DLGAP1: variants seen among roughly 807,000 people sequenced by gnomAD.
The protein encoded by DLGAP1 is disks large-associated protein 1.
A neutral mutation model predicts 90.8 loss-of-function variants in DLGAP1; 11 were observed. The ratio of observed to expected loss-of-function variants is 0.12; its 90% CI spans 0.08 to 0.20. The LOEUF (loss-of-function observed/expected upper bound fraction) is 0.20. Among genes scored for constraint, DLGAP1 ranks in the 10% least tolerant of loss-of-function variants. The pLI is 1.00. For synonymous variants in DLGAP1, 558 were observed against 540.7 expected (o/e 1.03, Z -0.44); for missense variants, 1,050 against 1,333.8 (o/e 0.79, Z 3.31).
intron 3 of DLGAP1, among the ~76,000 whole-genome samples, chr18:3,954,740 G>A (rs1037653902): frequency 1.3e-5 from 2 of 152,166 alleles, no homozygotes; most frequent in Admixed American, 6.5e-5. Flanking sequence ...ACAGTGTTAC[G>A]AGGGGCAGAT....
intron 5 of DLGAP1, among the ~76,000 whole-genome samples, chr18:3,747,910 C>A (rs1315105836): frequency 2.0e-5 from 3 of 152,166 alleles, no homozygotes; most frequent in Admixed American, 6.5e-5. Flanking sequence ...TTACTATATG[C>A]CCATGTGCTC....
At chr18:3,825,326 A>C (rs1302190612) in intron 4 of DLGAP1, among the ~76,000 whole-genome samples, 1 of 152,232 alleles carries the variant, frequency 6.6e-6, no homozygotes. Context: ...TATTGAGTAT[A>C]TACAGTCATC....
At chr18:4,188,009 AAAAAC>A (rs2077329530) in intron 1 of DLGAP1, among the ~76,000 whole-genome samples, 1 of 151,906 alleles carries the variant, frequency 6.6e-6, no homozygotes, top group Non-Finnish European at 1.5e-5. Context: ...AAACAAAAAC[AAAAAC>A]AAAACAAACC....
At chr18:4,395,225 A>G (rs753544476) in intron 1 of DLGAP1, among the ~76,000 whole-genome samples, 2 of 152,240 alleles carry the variant, frequency 1.3e-5, no homozygotes, top group African/African-American at 4.8e-5. Flanking sequence ...CAAAAGAAAA[A>G]GAAAGAGAAA....
intron 3 of DLGAP1, among the ~76,000 whole-genome samples, chr18:3,904,415 T>C (rs567843764): frequency 2.3e-4 from 35 of 152,286 alleles, no homozygotes; most frequent in African/African-American, 7.0e-4. Flanking sequence ...TTTAGGGAAA[T>C]AGAATTTTAG....
Position 3,499,150 on chromosome 18 carries a change from A to G in DLGAP1, c.*35T>C, listed in dbSNP as rs1330663471. ...AGGAGCGGCCGGGGGAGGAGGGGAC[A>G]GATGCTTGGCGGCGGCGGCCGGGCT... On this transcript the variant is annotated 3_prime_UTR_variant, in exon 13 of 13. Transcript: ENST00000315677. This position sits in a 1 kb window ranked among gnomAD's most constrained non-coding sequence, Gnocchi z 6.4. 3.3e-6 allele frequency: 5 copies of G among 1,512,780 alleles called. No individual in the cohort carries two copies. In the South Asian group the frequency reaches 6.2e-5, roughly 19 times the overall value. 93.7% of individuals were successfully genotyped at this position (1,512,780 alleles called of 1,614,324 possible).
intron 7 of DLGAP1, among the ~76,000 whole-genome samples, chr18:3,668,938 C>T (rs1195142633): frequency 3.3e-5 from 5 of 151,960 alleles, no homozygotes; most frequent in Admixed American, 6.6e-5. Flanking sequence ...GAGCCGAGAT[C>T]GCGCCACTGC....
intron 1 of DLGAP1, among the ~76,000 whole-genome samples, chr18:4,233,441 T>C (rs960514681): frequency 6.6e-6 from 1 of 152,204 alleles, no homozygotes; most frequent in Admixed American, 6.6e-5. Flanking sequence ...GCTGGAGTTA[T>C]GGATTTAGGG....
At chr18:3,657,436 T>C (rs2059530865) in intron 7 of DLGAP1, among the ~76,000 whole-genome samples, 1 of 152,190 alleles carries the variant, frequency 6.6e-6, no homozygotes, top group African/African-American at 2.4e-5. Flanking sequence ...TGGTCCAACG[T>C]TGAGTAAGAA....
At chr18:3,805,464 A>G (rs888830147) in intron 5 of DLGAP1, among the ~76,000 whole-genome samples, 1 of 152,240 alleles carries the variant, frequency 6.6e-6, no homozygotes, top group African/African-American at 2.4e-5. Context: ...AAATTGGTCC[A>G]TTGCAATCAC....
intron 3 of DLGAP1, among the ~76,000 whole-genome samples, chr18:3,964,706 A>T (rs1269796108): frequency 1.3e-5 from 2 of 152,204 alleles, no homozygotes; most frequent in African/African-American, 2.4e-5. Flanking sequence ...GCAATGATAC[A>T]TGGTAGCCAC....
intron 7 of DLGAP1, among the ~76,000 whole-genome samples, chr18:3,601,213 A>G (rs1463735210): frequency 6.6e-6 from 1 of 151,848 alleles, no homozygotes; most frequent in East Asian, 1.9e-4. Context: ...CAGCCACCCA[A>G]GTAGCTGGGA....
chr18:3,782,727 T>C (rs2065255941), intron 5 of DLGAP1, among the ~76,000 whole-genome samples: 1 of 152,238 alleles, frequency 6.6e-6, no homozygotes, highest in African/African-American at 2.4e-5. Context: ...ACTTCCCATC[T>C]TTTCAAACTT....
intron 4 of DLGAP1, among the ~76,000 whole-genome samples, chr18:3,870,484 T>C (rs1017945594): frequency 4.6e-5 from 7 of 152,186 alleles, no homozygotes; most frequent in African/African-American, 1.7e-4. Flanking sequence ...GTATGTATCC[T>C]GCACACTATT....
intron 1 of DLGAP1, among the ~76,000 whole-genome samples, chr18:4,214,746 A>G (rs2144916395): frequency 6.6e-6 from 1 of 152,322 alleles, no homozygotes; most frequent in African/African-American, 2.4e-5. Context: ...CCAGGGGACT[A>G]GAATTAATTA....
At chr18:4,101,864 A>G (rs554925843) in intron 2 of DLGAP1, among the ~76,000 whole-genome samples, 3 of 151,954 alleles carry the variant, frequency 2.0e-5, no homozygotes, top group East Asian at 3.9e-4. Flanking sequence ...TTGTACATAT[A>G]TAAGCAGTTA....
chr18:4,433,781 T>C (rs747411289), intron 1 of DLGAP1, among the ~76,000 whole-genome samples: 1 of 152,246 alleles, frequency 6.6e-6, no homozygotes, highest in Non-Finnish European at 1.5e-5. Flanking sequence ...CTGTCATCTA[T>C]TTATTCTTCA....
At chr18:3,964,313 A>C (rs922142357) in intron 3 of DLGAP1, among the ~76,000 whole-genome samples, 3 of 152,194 alleles carry the variant, frequency 2.0e-5, no homozygotes, top group Non-Finnish European at 4.4e-5. Flanking sequence ...GAAAAAATTC[A>C]ATGTTTCCAC....
At position 4,189,700 on chromosome 18, in the gene DLGAP1, C is replaced by T. The variant is rs568193436; in HGVS notation, c.-266-38413G>A. On this transcript the variant is annotated intron_variant, in intron 1 of 12. Coordinates refer to ENST00000315677, the MANE Select transcript of DLGAP1 (RefSeq NM_004746.4). Reference sequence around the variant, plus strand: ...AGGAAGTCAGAGGACTGACACTATCCGACTAAAAACGTACTGTGAAACTAC... The same window carrying T: ...AGGAAGTCAGAGGACTGACACTATCTGACTAAAAACGTACTGTGAAACTAC... Among the ~76,000 whole-genome samples, 4 of 152,090 alleles carry T rather than the reference C, an allele frequency of 2.6e-5. No individual in the cohort carries two copies. In the South Asian group the frequency reaches 6.2e-4, roughly 24 times the overall value.
Sources: gnomAD v4.1 joint callset for allele counts (sites outside exome capture counted in the v4.1 genomes callset) on GRCh38, gnomAD v4.1.1 for gene constraint, Gnocchi (gnomAD v3.1) non-coding constraint, MANE v1.5 for transcripts, NCBI Gene and HGNC (gene_info 2026-07-23, HGNC 2026-07-21) for gene names.